Variants in COL4A1 observed in about 807,000 individuals in gnomAD.
COL4A1 encodes collagen alpha-1(IV) chain.
Under a neutral mutation model 216.6 loss-of-function variants are expected in COL4A1, and 40 were observed. The ratio of observed to expected loss-of-function variants is 0.18; its 90% CI spans 0.14 to 0.24. The LOEUF is 0.24. COL4A1 is among the 10% of genes least tolerant of loss of function. The pLI, the probability that COL4A1 is intolerant of heterozygous loss-of-function variation, is 1.00. For synonymous variants in COL4A1, 839 were observed against 810.7 expected, an observed-to-expected ratio of 1.03 and a Z score of -0.59; for missense variants, 1,628 against 2,196.8, an observed-to-expected ratio of 0.74 and a Z score of 5.18.
At chr13:110,194,980 G>C in intron 22 of COL4A1, 43 bp downstream of exon 22, 1 of 1,559,338 alleles carries the variant, frequency 6.4e-7, no homozygotes, top group Non-Finnish European at 8.8e-7. Context: ...AAAATCATAC[G>C]CAAAGACACA....
Position 110,213,811 on chromosome 13 carries a change from G to T in COL4A1, c.250C>A (p.Pro84Thr). 6.2e-7 allele frequency: 1 copy of T among 1,614,098 alleles called. No homozygotes were observed. The highest frequency in any genetic ancestry group is 2.2e-5 in the East Asian group (1 of 44,872). Residue 84 changes from proline to threonine, a missense_variant, in exon 4 of 52, where the codon CCA (proline) becomes ACA (threonine). Pro to Thr is a conservative substitution (Grantham distance 38, BLOSUM62 -1). This residue lies in a region of COL4A1 where 150 missense variants were observed against 211.9 expected (regional missense o/e 0.71). Transcript: ENST00000375820. ...PPGQKGDTGE[P>T]GLPGTKGTRG... Reference sequence around the variant, plus strand: ...GTCCCTTTTGTTCCAGGTAGTCCTGGTTCTCCAGTATCACCCTGGAACAGA... The same window carrying T: ...GTCCCTTTTGTTCCAGGTAGTCCTGTTTCTCCAGTATCACCCTGGAACAGA...
intron 2 of COL4A1, among the ~76,000 whole-genome samples, chr13:110,224,697 A>T (rs543696413): frequency 6.6e-6 from 1 of 152,176 alleles, no homozygotes; most frequent in Non-Finnish European, 1.5e-5. Context: ...GGTTCGAAAG[A>T]CATGTTCTAC....
At chr13:110,228,905 G>C (rs1594603446) in intron 2 of COL4A1, among the ~76,000 whole-genome samples, 1 of 152,196 alleles carries the variant, frequency 6.6e-6, no homozygotes, top group African/African-American at 2.4e-5. Context: ...ACCACAGACA[G>C]TGAGGAAAAT....
chr13:110,273,871 C>T (rs540998105), intron 1 of COL4A1, among the ~76,000 whole-genome samples: 6 of 152,324 alleles, frequency 3.9e-5, no homozygotes, highest in African/African-American at 1.4e-4. Context: ...AGCATTACAA[C>T]TGAGACACAC....
intron 20 of COL4A1, among the ~76,000 whole-genome samples, chr13:110,199,362 C>A (rs937541083): frequency 1.3e-5 from 2 of 152,178 alleles, no homozygotes; most frequent in Admixed American, 6.5e-5. Flanking sequence ...GAATGAAGAG[C>A]AGCATGGAGA....
intron 2 of COL4A1, among the ~76,000 whole-genome samples, chr13:110,228,465 A>C (rs900993411): frequency 1.3e-5 from 2 of 152,146 alleles, no homozygotes; most frequent in Non-Finnish European, 2.9e-5. Context: ...GCCCCCTCCA[A>C]GTGGCAGGGA....
At chr13:110,178,521 C>G (rs1366177967) in intron 31 of COL4A1, among the ~76,000 whole-genome samples, 2 of 152,208 alleles carry the variant, frequency 1.3e-5, no homozygotes, top group African/African-American at 4.8e-5. Flanking sequence ...TAGTTTTGCT[C>G]TAATTTCCAT....
At chr13:110,197,468 C>G (rs1399740040) in intron 21 of COL4A1, among the ~76,000 whole-genome samples, 1 of 152,178 alleles carries the variant, frequency 6.6e-6, no homozygotes, top group African/African-American at 2.4e-5. Flanking sequence ...CTCAGACACA[C>G]AGAGAAAAGG....
intron 2 of COL4A1, among the ~76,000 whole-genome samples, chr13:110,218,683 G>A (rs1446128462): frequency 6.6e-6 from 1 of 152,170 alleles, no homozygotes; most frequent in Non-Finnish European, 1.5e-5. Context: ...CAGGACCCCC[G>A]TCGCCTTTGC....
At position 110,222,771 on chromosome 13, in the gene COL4A1, TTAAA is replaced by T. The variant is rs1384772111; in HGVS notation, c.145-8760_145-8757del. Among the ~76,000 whole-genome samples, 52 of 93,412 alleles carry T rather than the reference TTAAA, an allele frequency of 5.6e-4. 1 individual carries two copies. Among genetic ancestry groups the T allele is most frequent in the East Asian group, 2.0e-3 (6 of 2,942 alleles). 61.3% of individuals were successfully genotyped at this position (93,412 alleles called of 152,430 possible). On this transcript the variant is annotated intron_variant, in intron 2 of 51. Coordinates refer to ENST00000375820, the MANE Select transcript of COL4A1 (RefSeq NM_001845.6). Reference sequence around the variant, plus strand: ...CTGGGCGACAGAGCCAGACTCTGCTTTAAAAAAAAAAAAAAAAAAAAAAAAAAGA... The same window carrying T: ...CTGGGCGACAGAGCCAGACTCTGCTTAAAAAAAAAAAAAAAAAAAAAAAGA...
intron 1 of COL4A1, among the ~76,000 whole-genome samples, chr13:110,272,262 C>A (rs1356634650): frequency 6.6e-6 from 1 of 152,208 alleles, no homozygotes; most frequent in Non-Finnish European, 1.5e-5. Context: ...TACCTACACA[C>A]ATTTTTCCAT....
intron 1 of COL4A1, among the ~76,000 whole-genome samples, chr13:110,262,245 A>C (rs933280005): frequency 6.6e-6 from 1 of 152,150 alleles, no homozygotes; most frequent in Non-Finnish European, 1.5e-5. Context: ...CTGCAAGGCC[A>C]AGAGCTTGCC....
intron 48 of COL4A1, 117 bp from the exon 49 acceptor site, chr13:110,161,486 A>C: frequency 8.3e-7 from 1 of 1,205,006 alleles, no homozygotes; most frequent in South Asian, 1.3e-5. Context: ...TAATCACTGA[A>C]ATGGAAATGT....
At chr13:110,269,181 T>C (rs1883153241) in intron 1 of COL4A1, among the ~76,000 whole-genome samples, 1 of 152,212 alleles carries the variant, frequency 6.6e-6, no homozygotes, top group South Asian at 2.1e-4. Context: ...AATTAACTCA[T>C]ACCTAGAAGA....
chr13:110,194,969 A>G, intron 22 of COL4A1, 54 bp downstream of exon 22: 1 of 1,537,050 alleles, frequency 6.5e-7, no homozygotes, highest in Non-Finnish European at 9.0e-7. Flanking sequence ...GTATGTGGGA[A>G]AAAATCATAC....
rs1164388777 is a variant in COL4A1, at chr13:110,181,360, G to A, written c.2125C>T (p.Pro709Ser). The A allele has an allele frequency of 6.2e-7, 1 of 1,613,478 alleles. No individual in the cohort carries two copies. The highest frequency in any genetic ancestry group is 8.5e-7 in the Non-Finnish European group (1 of 1,179,836). Residue 709 changes from proline (P) to serine (S), a missense_variant, in exon 29 of 52, where the codon CCA (proline) becomes TCA (serine). Physicochemically the swap from Pro to Ser is moderately conservative, Grantham distance 74. Transcript: ENST00000375820. ...GVDGLPGDMG[P>S]PGTPGRPGFN... ...CCCGGGCGACCTGGAGTCCCCGGTG[G>A]CCCCATGTCTCCAGGTAAGCCGTCA... is the stretch of plus-strand genomic sequence containing the variant.
rs1183700007 is a variant in COL4A1 at position 110,179,291 on chromosome 13, G to A, written c.2324C>T (p.Pro775Leu). Residue 775 changes from proline to leucine, a missense_variant, in exon 30 of 52, where the codon CCT (proline) becomes CTT (leucine). Around this residue, in one of 8 missense-constraint regions of COL4A1, gnomAD observed 701 missense variants for 892.5 expected, o/e 0.79. Transcript: ENST00000375820. ...VPGEHGAIGP[P>L]GLQGIRGEPG... ...GTTACCTCTGATCCCCTGAAGCCCA[G>A]GGGGTCCGATCGCTCCATGTTCTCC... The A allele has an allele frequency of 2.5e-6, 4 of 1,613,982 alleles. No homozygotes were observed. The highest frequency in any genetic ancestry group is 2.5e-6 in the Non-Finnish European group (3 of 1,180,030).
At chr13:110,209,463 G>A in intron 10 of COL4A1, 36 bp from the exon 11 acceptor site, 1 of 1,449,640 alleles carries the variant, frequency 6.9e-7, no homozygotes, top group Non-Finnish European at 9.6e-7. Flanking sequence ...ATAGGATTCA[G>A]AACTCTAGGG....
chr13:110,212,276 T>A (rs1383682639), intron 6 of COL4A1, 141 bp downstream of exon 6: 1 of 1,014,598 alleles, frequency 9.9e-7, no homozygotes, highest in East Asian at 2.4e-5. Context: ...ATTTCCTTAC[T>A]AAATAAAGCA....
Sources: allele counts gnomAD v4.1 joint callset (sites outside exome capture counted in the v4.1 genomes callset), GRCh38; gene constraint gnomAD v4.1.1; regional missense constraint gnomAD v4.1.1; transcripts MANE v1.5; gene names NCBI Gene and HGNC (gene_info 2026-07-23, HGNC 2026-07-21).